CLMP: variants seen among roughly 807,000 people sequenced by gnomAD.
CLMP encodes CXADR like cell adhesion molecule.
In CLMP, 27 loss-of-function variants were observed where a neutral mutation model predicts 45.2. The ratio of observed to expected loss-of-function variants is 0.60; its 90% CI spans 0.44 to 0.82. The LOEUF (loss-of-function observed/expected upper bound fraction) is 0.82, where lower values mean the gene tolerates loss of function less well. CLMP is among the 40% of genes least tolerant of loss of function. The pLI is 0.00. For synonymous variants in CLMP, 167 were observed against 171.4 expected, an observed-to-expected ratio of 0.97 and a Z score of 0.20; for missense variants, 403 against 448.4, an observed-to-expected ratio of 0.90 and a Z score of 0.91.
intron 1 of CLMP, among the ~76,000 whole-genome samples, chr11:123,141,113 C>T (rs1017159410): frequency 2.7e-5 from 4 of 150,940 alleles, no homozygotes; most frequent in South Asian, 2.1e-4. Context: ...CATGTACAGC[C>T]GGCAGAGCCA....
intron 1 of CLMP, among the ~76,000 whole-genome samples, chr11:123,185,224 C>T (rs1003251099): frequency 6.6e-6 from 1 of 151,980 alleles, no homozygotes; most frequent in African/African-American, 2.4e-5. Context: ...GGGTGCCTCG[C>T]AGAGGTTGTG....
At chr11:123,087,208 A>T (rs1191711396) in intron 2 of CLMP, among the ~76,000 whole-genome samples, 1 of 152,134 alleles carries the variant, frequency 6.6e-6, no homozygotes, top group Non-Finnish European at 1.5e-5. Context: ...GTGATGGCGC[A>T]TGCCTATAAT....
At chr11:123,170,700 C>CA (rs1199320850) in intron 1 of CLMP, among the ~76,000 whole-genome samples, 1 of 152,190 alleles carries the variant, frequency 6.6e-6, no homozygotes, top group Non-Finnish European at 1.5e-5. Flanking sequence ...CTCGGCCTCC[C>CA]AATGTGCTGG....
chr11:123,071,169 C>A lies in CLMP; in HGVS notation c.*2305G>T, dbSNP rs1042883791. On this transcript the variant is annotated 3_prime_UTR_variant, in exon 7 of 7. Coordinates refer to ENST00000448775, the MANE Select transcript of CLMP (RefSeq NM_024769.5). ...GTATTCTGGGCCGGGCATGGTGGCT[C>A]ACACCTGTAATCCTAGCACTTTGTG... 1.3e-5 allele frequency: 2 copies of A among 152,180 alleles called. No homozygotes were observed. The highest frequency in any genetic ancestry group is 4.8e-5 in the African/African-American group (2 of 41,434). The allele number at this position is 152,180 out of a possible 1,614,324, so 9.4% of individuals were successfully genotyped here. A position where few individuals can be genotyped will look rare whatever the true frequency, so the allele number is the denominator to read the frequency against.
chr11:123,077,504 T>C (rs1865754975), intron 5 of CLMP, among the ~76,000 whole-genome samples: 1 of 152,136 alleles, frequency 6.6e-6, no homozygotes, highest in Admixed American at 6.6e-5. Context: ...GCTAATTTTG[T>C]ATTTTTAGTA....
At chr11:123,157,419 T>TG (rs994880458) in intron 1 of CLMP, among the ~76,000 whole-genome samples, 16 of 152,228 alleles carry the variant, frequency 1.1e-4, no homozygotes, top group African/African-American at 3.9e-4. Flanking sequence ...CCCGGCGTGG[T>TG]GGCACATGCC....
chr11:123,095,119 C>T (rs1865974957), intron 2 of CLMP, among the ~76,000 whole-genome samples: 1 of 152,128 alleles, frequency 6.6e-6, no homozygotes, highest in South Asian at 2.1e-4. Context: ...TGAAGACAAG[C>T]AGGGAATTGT....
At chr11:123,127,126 T>C (rs1020253959) in intron 1 of CLMP, among the ~76,000 whole-genome samples, 1 of 152,096 alleles carries the variant, frequency 6.6e-6, no homozygotes, top group African/African-American at 2.4e-5. Flanking sequence ...TTTTCTTTTC[T>C]TTCTTGTTTT....
intron 1 of CLMP, among the ~76,000 whole-genome samples, chr11:123,105,025 G>A (rs1860521998): frequency 6.6e-6 from 1 of 152,194 alleles, no homozygotes; most frequent in Admixed American, 6.5e-5. Flanking sequence ...TTAGGCACAG[G>A]CAGAATGCCT....
At position 123,098,701 on chromosome 11, in the gene CLMP, A is replaced by ATT. The variant is rs1156546713; in HGVS notation, c.29-751_29-750dup. 1.3e-3 allele frequency among the ~76,000 whole-genome samples: 149 copies of ATT among 112,616 alleles called. 2 individuals are homozygous for ATT. The highest frequency in any genetic ancestry group is 4.6e-3 in the Middle Eastern group (1 of 218). 73.9% of individuals were successfully genotyped at this position (112,616 alleles called of 152,430 possible). A position where few individuals can be genotyped will look rare whatever the true frequency, so the allele number is the denominator to read the frequency against. On this transcript the variant is annotated intron_variant, in intron 1 of 6. Transcript: ENST00000448775. ...TAGGCACATGCCACCATCCTGGCTAATTTTTTTTTTTTTTTTTTTTTTTGA... is the reference window on the plus strand; with the variant it reads ...TAGGCACATGCCACCATCCTGGCTAATTTTTTTTTTTTTTTTTTTTTTTTTGA...
intron 1 of CLMP, among the ~76,000 whole-genome samples, chr11:123,158,725 A>C (rs1404851857): frequency 6.6e-6 from 1 of 152,220 alleles, no homozygotes; most frequent in Non-Finnish European, 1.5e-5. Context: ...GGAACTAGAC[A>C]GACCTGGGTT....
chr11:123,159,216 G>A lies in CLMP; in HGVS notation c.28+35697C>T, dbSNP rs78038627. Among the ~76,000 whole-genome samples the A allele has an allele frequency of 4.5e-3, 693 of 152,330 alleles. 4 individuals carry two copies. The highest frequency in any genetic ancestry group is 0.016 in the African/African-American group (670 of 41,578). ...GCCCAGCAAAAACCCAGTCTCTCCC[G>A]GAAATAGTTTAACAGTTACTTTCAG... On this transcript the variant is annotated intron_variant, in intron 1 of 6. Transcript: ENST00000448775.
chr11:123,160,052 G>A (rs1861464298), intron 1 of CLMP, among the ~76,000 whole-genome samples: 1 of 152,134 alleles, frequency 6.6e-6, no homozygotes, highest in African/African-American at 2.4e-5. Context: ...GCTGAGGCGG[G>A]AGGATCACCG....
intron 5 of CLMP, among the ~76,000 whole-genome samples, chr11:123,075,578 G>A (rs1230136879): frequency 6.6e-6 from 1 of 151,666 alleles, no homozygotes; most frequent in African/African-American, 2.4e-5. Flanking sequence ...TAGTAGAGAC[G>A]GGGTTTCACC....
intron 1 of CLMP, among the ~76,000 whole-genome samples, chr11:123,154,673 T>A (rs1338998201): frequency 6.6e-6 from 1 of 152,046 alleles, no homozygotes; most frequent in Non-Finnish European, 1.5e-5. Flanking sequence ...TGAGCCCTAG[T>A]TTTATCAGCA....
At chr11:123,128,343 T>G (rs144466905) in intron 1 of CLMP, among the ~76,000 whole-genome samples, 2 of 133,992 alleles carry the variant, frequency 1.5e-5, no homozygotes, top group African/African-American at 5.9e-5. Flanking sequence ...AGGCCTGTAA[T>G]CCTGGCATGG....
chr11:123,105,400 C>T (rs1310813814), intron 1 of CLMP, among the ~76,000 whole-genome samples: 8 of 124,156 alleles, frequency 6.4e-5, no homozygotes, highest in Non-Finnish European at 9.7e-5. Context: ...TTCCTTCCTT[C>T]CTTCCTCTCT....
chr11:123,090,289 C>CAAA (rs762196704), intron 2 of CLMP, among the ~76,000 whole-genome samples: 1 of 116,318 alleles, frequency 8.6e-6, no homozygotes, highest in Non-Finnish European at 1.9e-5. Context: ...CACTAAAATA[C>CAAA]AAAAAAAAAA....
chr11:123,185,619 A>G (rs1248132829), intron 1 of CLMP, among the ~76,000 whole-genome samples: 4 of 152,128 alleles, frequency 2.6e-5, no homozygotes, highest in Non-Finnish European at 5.9e-5. Context: ...TATTGGTGGG[A>G]GTGGAGTCGG....
Sources: allele counts gnomAD v4.1 joint callset (sites outside exome capture counted in the v4.1 genomes callset), GRCh38; gene constraint gnomAD v4.1.1; transcripts MANE v1.5; gene names NCBI Gene and HGNC (gene_info 2026-07-23, HGNC 2026-07-21).